GDA: variants seen among roughly 807,000 people sequenced by gnomAD.
GDA encodes cytoplasmic PSD-95 interactor.
A neutral mutation model predicts 59.6 loss-of-function variants in GDA; 18 were observed. The observed-to-expected ratio is 0.30, with a 90% CI of 0.21 to 0.45. The LOEUF (loss-of-function observed/expected upper bound fraction) is 0.45. GDA is among the 20% of genes least tolerant of loss of function. The pLI is 1.00. For missense variants in GDA, 427 were observed against 552.3 expected (o/e 0.77, Z 2.27); for synonymous variants, 201 against 201.1 (o/e 1.00, Z 0.00).
At chr9:72,124,483 G>A (rs1825778402) in intron 1 of GDA, among the ~76,000 whole-genome samples, 1 of 152,152 alleles carries the variant, frequency 6.6e-6, no homozygotes, top group Non-Finnish European at 1.5e-5. Context: ...GTGGAATTTA[G>A]TATCTGCTCT....
chr9:72,174,757 TATATAG>T (rs1325384927), intron 1 of GDA, among the ~76,000 whole-genome samples: 7 of 150,640 alleles, frequency 4.6e-5, no homozygotes, highest in African/African-American at 9.9e-5. Flanking sequence ...TATATATATA[TATATAG>T]AGAGAGAGAG....
chr9:72,227,972 T>C lies in GDA; in HGVS notation c.852T>C (p.Ser284=), dbSNP rs189759518. 9.3e-6 allele frequency: 15 copies of C among 1,609,110 alleles called. No homozygotes were observed. In the East Asian group the frequency reaches 3.3e-4, roughly 36 times the overall value. ...TGATGGCACACGGCTGCTACCTCTC[T>C]GCAGAAGAACTGAACGTATTCCATG... ...KTVMAHGCYL[S]AEELNVFHER... Residue 284 remains serine (S), a synonymous_variant, in exon 9 of 14, where the codon TCT becomes TCC. Transcript: ENST00000358399.
intron 1 of GDA, among the ~76,000 whole-genome samples, chr9:72,152,698 T>C (rs1827361980): frequency 6.6e-6 from 1 of 152,204 alleles, no homozygotes; most frequent in African/African-American, 2.4e-5. Context: ...TAGCCCTTTG[T>C]CAGATGAGTA....
At chr9:72,237,668 C>A (rs1021669933) in intron 10 of GDA, among the ~76,000 whole-genome samples, 1 of 152,180 alleles carries the variant, frequency 6.6e-6, no homozygotes, top group African/African-American at 2.4e-5. Context: ...TTCTCTTAGA[C>A]CCCTCCTGAA....
chr9:72,202,487 A>G (rs1834119868), intron 2 of GDA, 84 bp from the exon 3 acceptor site: 3 of 915,868 alleles, frequency 3.3e-6, no homozygotes, highest in South Asian at 3.3e-5. Flanking sequence ...CAGTGAAATC[A>G]TGCTTGGGAA....
chr9:72,170,098 T>C (rs1319115453), intron 1 of GDA, among the ~76,000 whole-genome samples: 1 of 152,226 alleles, frequency 6.6e-6, no homozygotes, highest in Non-Finnish European at 1.5e-5. Flanking sequence ...TATTACGGGA[T>C]ATGACAAAGA....
At chr9:72,145,048 G>C (rs1186875962), upstream of GDA, among the ~76,000 whole-genome samples, 1 of 152,082 alleles carries the variant, frequency 6.6e-6, no homozygotes, top group African/African-American at 2.4e-5. Context: ...CTAGATAAGA[G>C]AGGAAAAGTG....
chr9:72,200,274 G>C (rs1038948394), intron 2 of GDA, among the ~76,000 whole-genome samples: 45 of 152,162 alleles, frequency 3.0e-4, no homozygotes, highest in South Asian at 1.9e-3. Context: ...GGGATTACAG[G>C]CGTGAGCCAC....
chr9:72,137,809 C>T (rs1353272920), intron 1 of GDA, among the ~76,000 whole-genome samples: 2 of 151,666 alleles, frequency 1.3e-5, no homozygotes, highest in East Asian at 3.9e-4. Context: ...AAATTATTTT[C>T]AGACATTGCC....
upstream of GDA, among the ~76,000 whole-genome samples, chr9:72,148,102 G>T (rs1342601405): frequency 6.6e-6 from 1 of 152,140 alleles, no homozygotes; most frequent in Non-Finnish European, 1.5e-5. Flanking sequence ...CTTAAAAGCA[G>T]CAATTCAGAG....
At chr9:72,255,395 G>T (rs1478508661), downstream of GDA, among the ~76,000 whole-genome samples, 1 of 152,148 alleles carries the variant, frequency 6.6e-6, no homozygotes, top group African/African-American at 2.4e-5. Flanking sequence ...GCCATCTGCT[G>T]GTTCCTACCA....
intron 1 of GDA, among the ~76,000 whole-genome samples, chr9:72,177,897 C>T (rs1247523443): frequency 6.6e-6 from 1 of 152,220 alleles, no homozygotes; most frequent in Non-Finnish European, 1.5e-5. Flanking sequence ...CTGACAGTGG[C>T]AGTGACCACA....
chr9:72,215,124 T>G (rs1214944117), intron 5 of GDA, among the ~76,000 whole-genome samples: 2 of 152,224 alleles, frequency 1.3e-5, no homozygotes, highest in Non-Finnish European at 2.9e-5. Context: ...TATGCAAGAA[T>G]ACTTGCTATG....
chr9:72,244,080 G>A (rs1839902265), intron 11 of GDA, among the ~76,000 whole-genome samples: 1 of 151,944 alleles, frequency 6.6e-6, no homozygotes, highest in Non-Finnish European at 1.5e-5. Flanking sequence ...GGGAGGCTGA[G>A]GCAGGAGAAT....
At chr9:72,212,246 G>T (rs1399077266) in intron 4 of GDA, among the ~76,000 whole-genome samples, 2 of 152,116 alleles carry the variant, frequency 1.3e-5, no homozygotes, top group Admixed American at 1.3e-4. Context: ...ACTTTCGGAG[G>T]CCGAGGCGGG....
chr9:72,206,238 C>G (rs189151701), intron 3 of GDA, among the ~76,000 whole-genome samples: 2 of 151,984 alleles, frequency 1.3e-5, no homozygotes, highest in African/African-American at 4.8e-5. Context: ...TGTTAAAAGT[C>G]TTGAACACTT....
chr9:72,208,459 A>G (rs1231514043), intron 3 of GDA, among the ~76,000 whole-genome samples: 1 of 152,154 alleles, frequency 6.6e-6, no homozygotes, highest in African/African-American at 2.4e-5. Flanking sequence ...GTCAGGCAAT[A>G]TCCGTTCCAT....
At chr9:72,185,453 T>G (rs1050314659) in intron 1 of GDA, among the ~76,000 whole-genome samples, 3 of 152,026 alleles carry the variant, frequency 2.0e-5, no homozygotes, top group African/African-American at 7.3e-5. Context: ...TCCGACGGGG[T>G]TTTTTCCCCC....
In GDA at chr9:72,219,637, G is replaced by A. The variant is rs1587697798; in HGVS notation, c.606+131G>A. ...ATGCATGTAGAAGTATTTACCTAGA[G>A]CCTGATGTGTCACTGTGGACTGTCA... On this transcript the variant is annotated intron_variant, in intron 6 of 13. Transcript: ENST00000358399. 2.1e-5 allele frequency: 12 copies of A among 574,432 alleles called. No homozygotes were observed. The East Asian group carries it at 2.4e-4, about 12-fold the overall frequency. The allele number at this position is 574,432 out of a possible 1,614,324, so 35.6% of individuals were successfully genotyped here.
Sources: gnomAD v4.1 joint callset for allele counts (sites outside exome capture counted in the v4.1 genomes callset) on GRCh38, gnomAD v4.1.1 for gene constraint, MANE v1.5 for transcripts, NCBI Gene and HGNC (gene_info 2026-07-23, HGNC 2026-07-21) for gene names.